BCOR: variants seen among roughly 807,000 people sequenced by gnomAD.
BCOR encodes the protein BCL6 corepressor, also known as BCL-6 corepressor.
In BCOR, 10 loss-of-function variants were observed where a neutral mutation model predicts 86.7. The observed-to-expected ratio is 0.12, with a 90% CI of 0.07 to 0.20. The LOEUF is 0.20. Among genes scored for constraint, BCOR ranks in the 10% least tolerant of loss-of-function variants. BCOR has a pLI of 1.00. For missense variants in BCOR, 1,259 were observed against 1,452.1 expected, an observed-to-expected ratio of 0.87 and a Z score of 2.16; for synonymous variants, 611 against 609.0, an observed-to-expected ratio of 1.00 and a Z score of -0.05.
chrX:40,109,524 G>A (rs1371868594), intron 1 of BCOR, among the ~76,000 whole-genome samples: 1 of 112,207 alleles, frequency 8.9e-6, no homozygotes, highest in Non-Finnish European at 1.9e-5. Flanking sequence ...CCGGCCCCGG[G>A]CGGCGGAGCC....
chrX:40,123,415 C>T (rs1043500518), intron 1 of BCOR, among the ~76,000 whole-genome samples: 8 of 109,509 alleles, frequency 7.3e-5, no homozygotes, highest in Non-Finnish European at 1.1e-4. Context: ...TGCAATGGTG[C>T]GGCCTCGGCT....
chrX:40,160,253 C>A (rs1245627806), intron 1 of BCOR, among the ~76,000 whole-genome samples: 1 of 109,266 alleles, frequency 9.2e-6, no homozygotes, highest in Non-Finnish European at 1.9e-5. Context: ...GTAGCTGGGA[C>A]TACAGGCGCC....
chrX:40,102,447 A>C (rs1937090137), upstream of BCOR, among the ~76,000 whole-genome samples: 1 of 113,839 alleles, frequency 8.8e-6, no homozygotes. Flanking sequence ...GCAAGGGCTT[A>C]AGAGCCCTCG....
chrX:40,119,404 G>A (rs1937449955), intron 1 of BCOR, among the ~76,000 whole-genome samples: 1 of 110,701 alleles, frequency 9.0e-6, no homozygotes, highest in Non-Finnish European at 1.9e-5. Context: ...CAGGTGCAGT[G>A]GCTTGCTCCT....
chrX:40,164,287 C>T (rs1938472365), intron 1 of BCOR, among the ~76,000 whole-genome samples: 1 of 112,703 alleles, frequency 8.9e-6, no homozygotes, highest in Non-Finnish European at 1.9e-5. Context: ...TCTGGACCCA[C>T]AGATTCCAGG....
intron 1 of BCOR, among the ~76,000 whole-genome samples, chrX:40,172,558 T>G (rs1938650012): frequency 8.9e-6 from 1 of 112,899 alleles, no homozygotes; most frequent in African/African-American, 3.2e-5. Context: ...CGTGTGTGTT[T>G]ATGTGTCTGC....
chrX:40,159,255 T>C (rs1390697881), intron 1 of BCOR, among the ~76,000 whole-genome samples: 1 of 112,901 alleles, frequency 8.9e-6, no homozygotes, highest in Non-Finnish European at 1.9e-5. Context: ...TGACATTAGC[T>C]GGGTGGGACA....
intron 1 of BCOR, among the ~76,000 whole-genome samples, chrX:40,126,110 G>A (rs750770831): frequency 1.8e-3 from 194 of 110,325 alleles, no homozygotes; most frequent in South Asian, 8.9e-3. Flanking sequence ...CAGCTACTCG[G>A]GAGGCTGAGG....
intron 1 of BCOR, among the ~76,000 whole-genome samples, chrX:40,176,592 C>T (rs1005277858): frequency 2.8e-4 from 31 of 112,459 alleles, no homozygotes; most frequent in African/African-American, 1.0e-3. Flanking sequence ...CCTGCCCCCG[C>T]CCCCCAACGA....
intron 1 of BCOR, among the ~76,000 whole-genome samples, chrX:40,155,338 C>T (rs770270983): frequency 1.1e-3 from 120 of 111,508 alleles, no homozygotes; most frequent in Admixed American, 2.2e-3. Flanking sequence ...CTGCTGCGAC[C>T]GGGGGAGAGG....
chrX:40,064,213 G>C (rs1304057053), intron 7 of BCOR, 123 bp downstream of exon 7: 3 of 1,042,860 alleles, frequency 2.9e-6, no homozygotes, highest in Non-Finnish European at 4.0e-6. Flanking sequence ...CGCCCCCACG[G>C]CTTCCCCTCA....
rs1300063710 is a variant in BCOR at position 40,131,648 on chromosome X, TAAAAG to T, written c.-41+45354_-41+45358del. On this transcript the variant is annotated intron_variant, in intron 1 of 14. Transcript: ENST00000342274. ...GGCAACAAGAGCGAAACTCTGTCAG[TAAAAG>T]AGAAGAGAAGAGAAGAGGAGACAAG... Among the ~76,000 whole-genome samples the T allele has an allele frequency of 2.8e-5, 3 of 105,510 alleles. No homozygotes were observed. In the East Asian group the frequency reaches 8.5e-4, roughly 30 times the overall value. 91.6% of individuals were successfully genotyped at this position (105,510 alleles called of 115,157 possible). A position where few individuals can be genotyped will look rare whatever the true frequency, so the allele number is the denominator to read the frequency against.
intron 1 of BCOR, among the ~76,000 whole-genome samples, chrX:40,123,982 T>C (rs1166565663): frequency 9.0e-6 from 1 of 111,291 alleles, no homozygotes; most frequent in Non-Finnish European, 1.9e-5. Context: ...ATGTAATGAA[T>C]CCTGGGAAAA....
chrX:40,080,823 TGTGTGTG>T (rs1569164415), intron 1 of BCOR, among the ~76,000 whole-genome samples: 1 of 49,906 alleles, frequency 2.0e-5, no homozygotes, highest in Non-Finnish European at 2.9e-5. Context: ...GTCGTGTGTG[TGTGTGTG>T]TGTGTGTGTG....
chrX:40,143,003 G>T (rs992211695), intron 1 of BCOR, among the ~76,000 whole-genome samples: 1 of 112,188 alleles, frequency 8.9e-6, no homozygotes, highest in Non-Finnish European at 1.9e-5. Context: ...GACCCCTCTC[G>T]GGTTGAGCAA....
intron 1 of BCOR, among the ~76,000 whole-genome samples, chrX:40,108,168 C>G (rs775003246): frequency 7.1e-5 from 8 of 112,499 alleles, no homozygotes; most frequent in Non-Finnish European, 1.5e-4. Context: ...TCGCCAGCTG[C>G]CAACCCATTT....
chrX:40,078,679 G>A (rs1173371190), intron 1 of BCOR, among the ~76,000 whole-genome samples: 1 of 112,166 alleles, frequency 8.9e-6, no homozygotes, highest in Non-Finnish European at 1.9e-5. Context: ...CTGGGGACGA[G>A]AAATCATTAG....
intron 1 of BCOR, chrX:40,146,546 G>T (rs1938059835): frequency 8.8e-6 from 1 of 113,003 alleles, no homozygotes; most frequent in Non-Finnish European, 1.9e-5. Flanking sequence ...TCTCTCGCCA[G>T]AGTGGAGGCT....
At position 40,071,105 on chromosome X, in the gene BCOR, G is replaced by T. The variant is rs754187534; in HGVS notation, c.3106C>A (p.Pro1036Thr). Residue 1036 changes from proline to threonine, a missense_variant, in exon 6 of 15, where the codon CCA becomes ACA. Physicochemically the swap from Pro to Thr is conservative, Grantham distance 38. Around this residue, in one of 7 missense-constraint regions of BCOR, gnomAD observed 56 missense variants for 106.6 expected, o/e 0.53. Coordinates refer to ENST00000378444, the MANE Select transcript of BCOR (RefSeq NM_001123385.2). ...LEMKEREGGH[P>T]ATKDSEMCKF... ...CACATCTCGGAGTCTTTGGTTGCTG[G>T]GTGGCCACCTTCTCTTTCTTTCATC... The T allele has an allele frequency of 8.3e-7, 1 of 1,210,437 alleles. No individual in the cohort carries two copies. The highest frequency in any genetic ancestry group is 1.1e-6 in the Non-Finnish European group (1 of 894,871).
Sources: allele counts gnomAD v4.1 joint callset (sites outside exome capture counted in the v4.1 genomes callset), GRCh38; gene constraint gnomAD v4.1.1; regional missense constraint gnomAD v4.1.1; transcripts MANE v1.5; gene names NCBI Gene and HGNC (gene_info 2026-07-23, HGNC 2026-07-21).